The following SRGAP2B variants were observed in gnomAD, a reference collection of about 807,000 sequenced individuals.
SRGAP2B encodes SLIT-ROBO Rho GTPase-activating protein 2B.
In SRGAP2B, 9 loss-of-function variants were observed where a neutral mutation model predicts 22.2. The observed-to-expected ratio is 0.41, with a 90% CI of 0.24 to 0.71. SRGAP2B has a LOEUF of 0.71. Ranked by LOEUF, SRGAP2B falls within the 30% of genes least tolerant of loss-of-function variation. SRGAP2B has a pLI of 0.35. For synonymous variants in SRGAP2B, 36 were observed against 87.4 expected (o/e 0.41, Z 3.28); for missense variants, 114 against 235.8 (o/e 0.48, Z 3.38).
chr1:144,988,982 C>G (rs1260619899), intron 3 of SRGAP2B, among the ~76,000 whole-genome samples: 9 of 135,216 alleles, frequency 6.7e-5, no homozygotes, highest in Non-Finnish European at 4.6e-5. Context: ...ATTCCTACTT[C>G]CTTTCCACTC....
intron 3 of SRGAP2B, among the ~76,000 whole-genome samples, chr1:144,975,393 G>A (rs1668821434): frequency 6.7e-6 from 1 of 149,702 alleles, no homozygotes; most frequent in Non-Finnish European, 1.5e-5. Flanking sequence ...CTGGACCACT[G>A]GGGGTTGTCT....
At chr1:145,024,747 TC>T (rs1553624699) in intron 2 of SRGAP2B, among the ~76,000 whole-genome samples, 1 of 117,850 alleles carries the variant, frequency 8.5e-6, no homozygotes, top group African/African-American at 3.7e-5. Flanking sequence ...CCTATCTTGT[TC>T]TGAAAGACAT....
At chr1:145,006,829 G>C (rs1671630244) in intron 2 of SRGAP2B, among the ~76,000 whole-genome samples, 1 of 150,722 alleles carries the variant, frequency 6.6e-6, no homozygotes, top group Non-Finnish European at 1.5e-5. Flanking sequence ...CACTATTCAA[G>C]TATAAAGGTA....
At chr1:145,056,946 A>G (rs1408429458) in intron 2 of SRGAP2B, among the ~76,000 whole-genome samples, 1 of 137,796 alleles carries the variant, frequency 7.3e-6, no homozygotes, top group East Asian at 2.1e-4. Context: ...GAGTTGAAGG[A>G]GATAAAACAC....
At chr1:144,981,221 T>C (rs1669305435) in intron 3 of SRGAP2B, among the ~76,000 whole-genome samples, 1 of 125,852 alleles carries the variant, frequency 7.9e-6, no homozygotes, top group Non-Finnish European at 1.6e-5. Context: ...GAATTAAAAA[T>C]CCCAAGAACA....
chr1:144,965,538 G>GA (rs1393958556), intron 3 of SRGAP2B, among the ~76,000 whole-genome samples: 1 of 144,548 alleles, frequency 6.9e-6, no homozygotes, highest in Admixed American at 6.8e-5. Context: ...CAAAGATGGG[G>GA]AAAAAACAGA....
intron 2 of SRGAP2B, among the ~76,000 whole-genome samples, chr1:145,070,024 G>A (rs1553633149): frequency 4.0e-5 from 6 of 149,684 alleles, no homozygotes; most frequent in Non-Finnish European, 1.5e-5. Context: ...GGTTGAGAAG[G>A]AATGTCATCT....
chr1:144,909,683 G>A (rs1170644136), intron 5 of SRGAP2B, among the ~76,000 whole-genome samples: 1 of 150,376 alleles, frequency 6.6e-6, no homozygotes, highest in Non-Finnish European at 1.5e-5. Flanking sequence ...CTGTTAGAGA[G>A]GGTCCATGGA....
chr1:144,990,843 G>A (rs1274272340), intron 3 of SRGAP2B, among the ~76,000 whole-genome samples: 4 of 151,358 alleles, frequency 2.6e-5, no homozygotes, highest in Non-Finnish European at 4.4e-5. Context: ...CCGGCCCATC[G>A]GCGCTGTGCT....
intron 3 of SRGAP2B, among the ~76,000 whole-genome samples, chr1:144,968,727 T>C (rs1422888339): frequency 7.4e-5 from 8 of 107,894 alleles, no homozygotes; most frequent in African/African-American, 3.2e-4. Context: ...ATGACATGAT[T>C]GTTTATCTAG....
At chr1:145,086,675 C>T (rs1234135858) in intron 2 of SRGAP2B, among the ~76,000 whole-genome samples, 3 of 87,662 alleles carry the variant, frequency 3.4e-5, no homozygotes, top group African/African-American at 5.1e-5. Flanking sequence ...GAGTGAGACC[C>T]CATCTGAAAA....
chr1:144,992,452 C>T lies in SRGAP2B; in HGVS notation c.260+2556G>A, dbSNP rs1308127308. Reference sequence around the variant, plus strand: ...TATTTTAAATTTAGGATGAGATTACCAACAGAATAAATCCAACTTTGAATC... The same window carrying T: ...TATTTTAAATTTAGGATGAGATTACTAACAGAATAAATCCAACTTTGAATC... On this transcript the variant is annotated intron_variant, in intron 3 of 9. Transcript: ENST00000612199. 2.7e-5 allele frequency among the ~76,000 whole-genome samples: 4 copies of T among 149,526 alleles called. No homozygotes were observed. The East Asian group carries it at 5.9e-4, about 22-fold the overall frequency.
chr1:144,943,889 T>C (rs1666264881), intron 4 of SRGAP2B, among the ~76,000 whole-genome samples: 4 of 150,512 alleles, frequency 2.7e-5, no homozygotes, highest in Non-Finnish European at 5.9e-5. Flanking sequence ...GCAAACAGGA[T>C]AGTTGGTCGT....
intron 2 of SRGAP2B, among the ~76,000 whole-genome samples, chr1:145,076,275 C>T (rs1167096035): frequency 6.7e-6 from 1 of 149,484 alleles, no homozygotes; most frequent in East Asian, 1.9e-4. Flanking sequence ...GATTCTCCTG[C>T]CTCAGCCTCC....
In SRGAP2B at chr1:144,953,505, G is replaced by A. The variant is rs1226206254; in HGVS notation, c.423+1934C>T. 6.2e-3 allele frequency among the ~76,000 whole-genome samples: 895 copies of A among 144,638 alleles called. 1 individual carries two copies. Among genetic ancestry groups the A allele is most frequent in the African/African-American group, 0.025 (855 of 34,682 alleles). 94.9% of individuals were successfully genotyped at this position (144,638 alleles called of 152,430 possible). ...CTATGAGAAATAAGTTCTTCCTCACGCTCTAGCATAGTAATACACGGCTTA... is the reference window on the plus strand; with the variant it reads ...CTATGAGAAATAAGTTCTTCCTCACACTCTAGCATAGTAATACACGGCTTA... On this transcript the variant is annotated intron_variant, in intron 4 of 9. Transcript: ENST00000612199.
rs1662564212 is a variant in SRGAP2B, at chr1:144,899,725, G to A, written c.832-2388C>T. 3.3e-5 allele frequency among the ~76,000 whole-genome samples: 5 copies of A among 149,302 alleles called. No homozygotes were observed. In the South Asian group the frequency reaches 1.1e-3, roughly 32 times the overall value. ...GATAACACCAGCCACACAGGTTGTT[G>A]TAGGCTAACAGGCAATATATTTACA... is the stretch of plus-strand genomic sequence containing the variant. On this transcript the variant is annotated intron_variant, in intron 7 of 9. Transcript: ENST00000612199.
At chr1:144,954,424 A>G (rs1343543752) in intron 4 of SRGAP2B, among the ~76,000 whole-genome samples, 2 of 151,772 alleles carry the variant, frequency 1.3e-5, no homozygotes, top group African/African-American at 2.4e-5. Context: ...CATACTTTCA[A>G]ATTTTAATAA....
chr1:145,072,988 G>C (rs1282773631), intron 2 of SRGAP2B, among the ~76,000 whole-genome samples: 1 of 147,528 alleles, frequency 6.8e-6, no homozygotes, highest in Non-Finnish European at 1.5e-5. Context: ...TTCATTCCCA[G>C]CTGACCCTCA....
chr1:145,009,736 T>TA (rs1239999453), intron 2 of SRGAP2B, among the ~76,000 whole-genome samples: 2 of 129,126 alleles, frequency 1.5e-5, no homozygotes, highest in East Asian at 2.1e-4. Context: ...TAATGGTGTG[T>TA]AAAAAAAAGG....
Sources: gnomAD v4.1 joint callset for allele counts (sites outside exome capture counted in the v4.1 genomes callset) on GRCh38, gnomAD v4.1.1 for gene constraint, MANE v1.5 for transcripts, NCBI Gene and HGNC (gene_info 2026-07-23, HGNC 2026-07-21) for gene names.